The following KIAA1217 variants were observed in gnomAD, a reference collection of about 807,000 sequenced individuals.
The protein encoded by KIAA1217 is sickle tail protein homolog.
KIAA1217 carries 88 observed loss-of-function variants against 163.9 expected under a neutral mutation model. That is an observed-to-expected ratio of 0.54 (90% CI 0.45 to 0.64). KIAA1217 has a LOEUF of 0.64. Ranked by LOEUF, KIAA1217 falls within the 30% of genes least tolerant of loss-of-function variation. The probability of loss-of-function intolerance (pLI) is 0.00; values close to 1 mark genes in which losing one functional copy is unlikely to be tolerated. For synonymous variants in KIAA1217, 903 were observed against 923.1 expected (o/e 0.98, Z 0.39); for missense variants, 2,372 against 2,475.0 (o/e 0.96, Z 0.88).
intron 13 of KIAA1217, among the ~76,000 whole-genome samples, chr10:24,526,568 C>T (rs1214346269): frequency 2.6e-5 from 4 of 152,114 alleles, no homozygotes; most frequent in Admixed American, 2.0e-4. Flanking sequence ...GTGTATTTTA[C>T]GCTTTGAGAG....
chr10:24,472,838 A>G (rs1252655605), intron 5 of KIAA1217, among the ~76,000 whole-genome samples: 3 of 152,126 alleles, frequency 2.0e-5, no homozygotes, highest in Non-Finnish European at 4.4e-5. Context: ...TGGAGGCTCC[A>G]GAGTGGGATC....
chr10:24,497,579 G>A (rs866568161), intron 8 of KIAA1217, among the ~76,000 whole-genome samples: 2 of 151,998 alleles, frequency 1.3e-5, no homozygotes, highest in Non-Finnish European at 2.9e-5. Flanking sequence ...CAAAAAATGA[G>A]CGTGGTGGTA....
chr10:23,895,916 C>T lies in KIAA1217; in HGVS notation c.-320-111309C>T, dbSNP rs1225629706. 6.1e-5 allele frequency among the ~76,000 whole-genome samples: 9 copies of T among 147,576 alleles called. No homozygotes were observed. In the South Asian group the frequency reaches 1.7e-3, roughly 28 times the overall value. On this transcript the variant is annotated intron_variant, in intron 1 of 18. Coordinates refer to the KIAA1217 transcript ENST00000376462. The stretch of plus-strand genomic sequence containing the variant: ...AACAAAAAACCAAACACCGCATATT[C>T]TCACTCGTAGGTGGGAATTGAACAA...
At chr10:23,934,557 G>GTA (rs778185120) in intron 1 of KIAA1217, among the ~76,000 whole-genome samples, 1,073 of 44,278 alleles carry the variant, frequency 0.024, 21 homozygotes, top group South Asian at 0.036. Context: ...GGTCTTTAAA[G>GTA]TATATATATA....
intron 1 of KIAA1217, among the ~76,000 whole-genome samples, chr10:23,819,593 G>T (rs888998558): frequency 2.0e-5 from 3 of 152,090 alleles, no homozygotes; most frequent in Non-Finnish European, 4.4e-5. Flanking sequence ...AAATAATATA[G>T]ATCTTAAAAT....
intron 1 of KIAA1217, among the ~76,000 whole-genome samples, chr10:23,932,944 A>G (rs1459442414): frequency 6.6e-6 from 1 of 152,218 alleles, no homozygotes; most frequent in Non-Finnish European, 1.5e-5. Context: ...CCTTGTTTTT[A>G]GGTTGTTGCT....
upstream of KIAA1217, among the ~76,000 whole-genome samples, chr10:24,203,847 A>AT (rs149694026): frequency 0.01 from 1,589 of 152,302 alleles, 28 homozygotes; most frequent in African/African-American, 0.036. Flanking sequence ...CTTTTCACTT[A>AT]TAAGTTGCCA....
intron 2 of KIAA1217, among the ~76,000 whole-genome samples, chr10:24,018,251 T>A (rs1243694279): frequency 4.6e-5 from 7 of 152,066 alleles, no homozygotes; most frequent in Admixed American, 4.6e-4. Context: ...ATTTCAGACA[T>A]TGGAGTTATC....
At chr10:24,336,362 C>T (rs554291302) in intron 2 of KIAA1217, among the ~76,000 whole-genome samples, 34 of 152,308 alleles carry the variant, frequency 2.2e-4, no homozygotes, top group South Asian at 4.1e-4. Flanking sequence ...CAAAATTTTT[C>T]CTACTTTTTA....
intron 1 of KIAA1217, among the ~76,000 whole-genome samples, chr10:23,942,683 A>C (rs1379657872): frequency 1.4e-5 from 2 of 144,718 alleles, no homozygotes; most frequent in African/African-American, 5.0e-5. Flanking sequence ...CTAGATGTCA[A>C]ACACAAAATT....
chr10:23,714,554 T>C (rs1361492770), intron 1 of KIAA1217, among the ~76,000 whole-genome samples: 2 of 152,156 alleles, frequency 1.3e-5, no homozygotes, highest in African/African-American at 4.8e-5. Flanking sequence ...TCCTGCCTTT[T>C]CACCTGCTGG....
chr10:23,838,455 G>C (rs1838599438), intron 1 of KIAA1217, among the ~76,000 whole-genome samples: 1 of 149,876 alleles, frequency 6.7e-6, no homozygotes, highest in Non-Finnish European at 1.5e-5. Flanking sequence ...TTGACAACTT[G>C]TTTTCCTGTT....
chr10:24,458,193 C>T (rs75819812), intron 5 of KIAA1217, among the ~76,000 whole-genome samples: 6,315 of 152,312 alleles, frequency 0.041, 175 homozygotes, highest in Non-Finnish European at 0.059. Flanking sequence ...TGTTATTTAT[C>T]CAAATAAGGA....
At chr10:24,238,817 C>A (rs1235196906) in intron 2 of KIAA1217, among the ~76,000 whole-genome samples, 1 of 152,146 alleles carries the variant, frequency 6.6e-6, no homozygotes, top group South Asian at 2.1e-4. Flanking sequence ...CAATTAAGTG[C>A]ATTGTTAGAC....
intron 1 of KIAA1217, among the ~76,000 whole-genome samples, chr10:23,741,866 T>C (rs1227358221): frequency 6.6e-6 from 1 of 152,092 alleles, no homozygotes; most frequent in Non-Finnish European, 1.5e-5. Flanking sequence ...GGCCTTGAAA[T>C]GGTGTAAGAA....
At chr10:23,869,953 A>G (rs1394575687) in intron 1 of KIAA1217, among the ~76,000 whole-genome samples, 1 of 152,198 alleles carries the variant, frequency 6.6e-6, no homozygotes, top group Non-Finnish European at 1.5e-5. Flanking sequence ...ACTGTAGTAA[A>G]TAATTTTCTA....
intron 2 of KIAA1217, among the ~76,000 whole-genome samples, chr10:24,291,488 C>T (rs1489494817): frequency 6.6e-6 from 1 of 152,176 alleles, no homozygotes; most frequent in African/African-American, 2.4e-5. Flanking sequence ...CAAGATCGCA[C>T]CATTGCACTC....
chr10:24,360,978 A>C (rs938691994), intron 2 of KIAA1217, among the ~76,000 whole-genome samples: 2 of 152,200 alleles, frequency 1.3e-5, no homozygotes, highest in African/African-American at 4.8e-5. Context: ...GTTTTTAAAA[A>C]AATTTTATTA....
intron 1 of KIAA1217, among the ~76,000 whole-genome samples, chr10:23,927,107 A>G (rs1234985569): frequency 6.6e-6 from 1 of 151,322 alleles, no homozygotes; most frequent in Non-Finnish European, 1.5e-5. Context: ...AGATTTTCTG[A>G]TGTTGTCCAG....
Sources: gnomAD v4.1 joint callset for allele counts (sites outside exome capture counted in the v4.1 genomes callset) on GRCh38, gnomAD v4.1.1 for gene constraint, MANE v1.5 for transcripts, NCBI Gene and HGNC (gene_info 2026-07-23, HGNC 2026-07-21) for gene names.